The following RBFOX1 variants were observed in gnomAD, a reference collection of about 807,000 sequenced individuals.
RBFOX1 encodes RNA binding fox-1 homolog 1, also known as RNA binding protein fox-1 homolog 1.
In RBFOX1, 8 loss-of-function variants were observed where a neutral mutation model predicts 57.7. The ratio of observed to expected loss-of-function variants is 0.14; its 90% CI spans 0.08 to 0.25. RBFOX1 has a LOEUF of 0.25. Among genes scored for constraint, RBFOX1 ranks in the 10% least tolerant of loss-of-function variants. RBFOX1 has a pLI of 1.00. For synonymous variants in RBFOX1, 326 were observed against 222.4 expected (o/e 1.47, Z -4.15); for missense variants, 611 against 548.5 (o/e 1.11, Z -1.14).
At chr16:5,835,110 C>A (rs1322430614) in intron 3 of RBFOX1, among the ~76,000 whole-genome samples, 1 of 151,946 alleles carries the variant, frequency 6.6e-6, no homozygotes, top group African/African-American at 2.4e-5. Flanking sequence ...ACATCTGTGT[C>A]ATTATATAGG....
chr16:6,236,948 C>G (rs1236179381), intron 1 of RBFOX1, among the ~76,000 whole-genome samples: 1 of 152,204 alleles, frequency 6.6e-6, no homozygotes, highest in Admixed American at 6.5e-5. Flanking sequence ...CAACTCAAGT[C>G]TATTTGGCCC....
rs35437762 is a variant in RBFOX1 at position 7,202,298 on chromosome 16, T to TAAAA, written c.27+150213_27+150216dup. On this transcript the variant is annotated intron_variant, in intron 4 of 15. Transcript: ENST00000550418. ...TCACACACATTAGGATGGCTGCAAA[T>TAAAA]AAAAAAAAAAAAAAAAGAAGCACAG... Among the ~76,000 whole-genome samples, 24 of 131,738 alleles carry TAAAA rather than the reference T, an allele frequency of 1.8e-4. 1 individual carries two copies. Among genetic ancestry groups the TAAAA allele is most frequent in the African/African-American group, 6.0e-4 (22 of 36,400 alleles). 86.4% of individuals were successfully genotyped at this position (131,738 alleles called of 152,430 possible).
intron 2 of RBFOX1, among the ~76,000 whole-genome samples, chr16:5,584,109 G>A (rs1450972074): frequency 6.6e-6 from 1 of 152,142 alleles, no homozygotes; most frequent in African/African-American, 2.4e-5. Flanking sequence ...CCTCTCTCAG[G>A]AGCCCTGAGG....
At chr16:5,744,280 G>C (rs1050324639) in intron 3 of RBFOX1, among the ~76,000 whole-genome samples, 2 of 152,066 alleles carry the variant, frequency 1.3e-5, no homozygotes, top group Non-Finnish European at 2.9e-5. Context: ...TCTGTCTTCT[G>C]GGTTCCCGCA....
At chr16:6,933,140 T>C (rs1042300987) in intron 3 of RBFOX1, among the ~76,000 whole-genome samples, 6 of 152,210 alleles carry the variant, frequency 3.9e-5, no homozygotes, top group African/African-American at 1.4e-4. Context: ...TATCCCTCCA[T>C]TCATCTGTAG....
At chr16:6,507,812 C>T (rs1454157644) in intron 2 of RBFOX1, among the ~76,000 whole-genome samples, 1 of 150,936 alleles carries the variant, frequency 6.6e-6, no homozygotes, top group Non-Finnish European at 1.5e-5. Context: ...TTAGCCAGGG[C>T]TAGAAGGAGG....
intron 4 of RBFOX1, among the ~76,000 whole-genome samples, chr16:5,909,413 A>G (rs1176328748): frequency 6.6e-6 from 1 of 152,136 alleles, no homozygotes; most frequent in Non-Finnish European, 1.5e-5. Flanking sequence ...TAAAAAAAAT[A>G]AAATAAAATA....
intron 3 of RBFOX1, among the ~76,000 whole-genome samples, chr16:6,956,815 G>C (rs2081947076): frequency 6.6e-6 from 1 of 152,184 alleles, no homozygotes; most frequent in Non-Finnish European, 1.5e-5. Flanking sequence ...ACAGAGAGCA[G>C]CTGGGGCTGG....
chr16:6,645,015 A>T (rs2098522444), intron 2 of RBFOX1, among the ~76,000 whole-genome samples: 1 of 152,160 alleles, frequency 6.6e-6, no homozygotes, highest in African/African-American at 2.4e-5. Flanking sequence ...CTCTACGTCC[A>T]AGTTGAAAGT....
intron 4 of RBFOX1, among the ~76,000 whole-genome samples, chr16:5,998,489 T>A (rs1255699679): frequency 6.6e-6 from 1 of 152,186 alleles, no homozygotes; most frequent in Non-Finnish European, 1.5e-5. Flanking sequence ...CTTCGGACAT[T>A]TCTAGGGCTA....
intron 4 of RBFOX1, among the ~76,000 whole-genome samples, chr16:7,208,381 G>C (rs372024067): frequency 6.6e-6 from 1 of 152,186 alleles, no homozygotes; most frequent in African/African-American, 2.4e-5. Context: ...TTGGCTTATG[G>C]TTCTGCAGGC....
chr16:6,477,132 G>T (rs990630436), intron 2 of RBFOX1, among the ~76,000 whole-genome samples: 2 of 152,058 alleles, frequency 1.3e-5, no homozygotes, highest in Non-Finnish European at 2.9e-5. Context: ...AATCATTCTT[G>T]AGAGTTGGAA....
intron 3 of RBFOX1, among the ~76,000 whole-genome samples, chr16:5,775,224 A>G (rs2054107189): frequency 6.6e-6 from 1 of 152,158 alleles, no homozygotes; most frequent in Non-Finnish European, 1.5e-5. Flanking sequence ...CCCCAAATGT[A>G]TCTCCTTACT....
intron 1 of RBFOX1, among the ~76,000 whole-genome samples, chr16:6,175,486 C>A (rs540612774): frequency 1.6e-4 from 24 of 152,072 alleles, no homozygotes; most frequent in African/African-American, 5.1e-4. Flanking sequence ...GTTTGACCAC[C>A]CGGTTTTTCT....
At chr16:6,747,960 T>C (rs1357367683) in intron 3 of RBFOX1, among the ~76,000 whole-genome samples, 1 of 152,218 alleles carries the variant, frequency 6.6e-6, no homozygotes, top group Non-Finnish European at 1.5e-5. Context: ...CTTTGTTTTC[T>C]AAATCCTTTC....
At chr16:7,517,310 C>T (rs1359289304) in intron 4 of RBFOX1, among the ~76,000 whole-genome samples, 1 of 151,942 alleles carries the variant, frequency 6.6e-6, no homozygotes, top group Non-Finnish European at 1.5e-5. Flanking sequence ...GTAATTGTCA[C>T]ACTGCCTGTT....
At chr16:7,162,986 C>T (rs1279639448) in intron 4 of RBFOX1, among the ~76,000 whole-genome samples, 6 of 152,148 alleles carry the variant, frequency 3.9e-5, no homozygotes, top group Non-Finnish European at 5.9e-5. Context: ...GGCATCTCCA[C>T]GATCCTGTTA....
intron 4 of RBFOX1, among the ~76,000 whole-genome samples, chr16:7,386,966 C>G (rs1160086952): frequency 6.6e-6 from 1 of 152,186 alleles, no homozygotes; most frequent in Non-Finnish European, 1.5e-5. Context: ...ATTTGCATTT[C>G]TCTAATGACC....
intron 1 of RBFOX1, among the ~76,000 whole-genome samples, chr16:5,263,182 G>T (rs1353055959): frequency 1.3e-5 from 2 of 152,152 alleles, no homozygotes; most frequent in Non-Finnish European, 2.9e-5. Flanking sequence ...GAATAATACA[G>T]ATATGGGAAT....
Sources: allele counts gnomAD v4.1 joint callset (sites outside exome capture counted in the v4.1 genomes callset), GRCh38; gene constraint gnomAD v4.1.1; transcripts MANE v1.5; gene names NCBI Gene and HGNC (gene_info 2026-07-23, HGNC 2026-07-21).